Variants in ABCA4 observed in about 807,000 individuals in gnomAD.
The protein encoded by ABCA4 is ATP binding cassette subfamily A member 4, also known as retinal-specific phospholipid-transporting ATPase ABCA4.
Under a neutral mutation model 263.7 loss-of-function variants are expected in ABCA4, and 196 were observed. The ratio of observed to expected loss-of-function variants is 0.74; its 90% CI spans 0.66 to 0.84. The LOEUF is 0.84. Ranked by LOEUF, ABCA4 falls within the 40% of genes least tolerant of loss-of-function variation. ABCA4 has a pLI of 0.00. For missense variants in ABCA4, 2,792 were observed against 2,855.1 expected, an observed-to-expected ratio of 0.98 and a Z score of 0.50; for synonymous variants, 1,133 against 1,094.2, an observed-to-expected ratio of 1.04 and a Z score of -0.70.
chr1:94,045,117 G>A (rs2297633), intron 19 of ABCA4, among the ~76,000 whole-genome samples: 2 of 152,130 alleles, frequency 1.3e-5, no homozygotes, highest in African/African-American at 2.4e-5. Context: ...GACTCGAGGC[G>A]TTGCCTCCTG....
At chr1:94,005,360 C>T in intron 44 of ABCA4, 81 bp downstream of exon 44, 1 of 1,560,028 alleles carries the variant, frequency 6.4e-7, no homozygotes, top group Non-Finnish European at 8.8e-7. Flanking sequence ...TTCAGTTTCT[C>T]ATCTCCAAGA....
At chr1:93,993,976 C>T (rs756474279) in intron 49 of ABCA4, among the ~76,000 whole-genome samples, 19 of 152,130 alleles carry the variant, frequency 1.2e-4, no homozygotes, top group Non-Finnish European at 2.8e-4. Context: ...ATCACACATC[C>T]TCTTAAGAGG....
chr1:93,994,156 T>C (rs1482715889), intron 49 of ABCA4, among the ~76,000 whole-genome samples: 1 of 152,210 alleles, frequency 6.6e-6, no homozygotes, highest in African/African-American at 2.4e-5. Flanking sequence ...GAGTTGTTCC[T>C]AATTTGGGAA....
chr1:94,092,516 T>C (rs1661996623), intron 6 of ABCA4, among the ~76,000 whole-genome samples: 1 of 152,160 alleles, frequency 6.6e-6, no homozygotes, highest in Non-Finnish European at 1.5e-5. Context: ...AGGAAATGCG[T>C]CATCAGTGGA....
In ABCA4 at chr1:94,107,753, C is replaced by T. The variant is rs141885916; in HGVS notation, c.442+824G>A. On this transcript the variant is annotated intron_variant, in intron 4 of 49. Transcript: ENST00000370225. ...TTGCCCCACTTCACCATGGCCGCAT[C>T]TGGGGGCCAGTCATCACCCACCCTA... is the stretch of plus-strand genomic sequence containing the variant. Among the ~76,000 whole-genome samples, 955 of 152,314 alleles carry T rather than the reference C, an allele frequency of 6.3e-3. 5 individuals carry two copies. Among genetic ancestry groups the T allele is most frequent in the Non-Finnish European group, 0.012 (798 of 68,028 alleles).
At chr1:94,120,918 ACACTT>A in intron 1 of ABCA4, 57 bp downstream of exon 1, 1 of 215,480 alleles carries the variant, frequency 4.6e-6, no homozygotes, top group Non-Finnish European at 7.9e-6. Flanking sequence ...ACCCCACCCC[ACACTT>A]CCAACCTGTT....
At chr1:94,098,341 T>C (rs1437686885) in intron 6 of ABCA4, among the ~76,000 whole-genome samples, 1 of 152,212 alleles carries the variant, frequency 6.6e-6, no homozygotes, top group African/African-American at 2.4e-5. Flanking sequence ...TTATTAAAAT[T>C]TATGAAATGT....
intron 4 of ABCA4, among the ~76,000 whole-genome samples, chr1:94,104,484 C>A (rs1224433195): frequency 3.3e-5 from 5 of 152,226 alleles, no homozygotes; most frequent in African/African-American, 1.2e-4. Context: ...GACAGCCACC[C>A]TTCTCATCCC....
intron 1 of ABCA4, among the ~76,000 whole-genome samples, chr1:94,114,789 G>C (rs1282603200): frequency 6.6e-6 from 1 of 152,108 alleles, no homozygotes; most frequent in Non-Finnish European, 1.5e-5. Flanking sequence ...GCCTGGCCCT[G>C]GACTTCCGCT....
chr1:94,006,160 A>C (rs1047418059), intron 43 of ABCA4, among the ~76,000 whole-genome samples: 1 of 152,182 alleles, frequency 6.6e-6, no homozygotes, highest in Non-Finnish European at 1.5e-5. Context: ...CTATACATAG[A>C]CATTTAGTCT....
At chr1:94,051,587 A>C in intron 17 of ABCA4, 46 bp downstream of exon 17, 1 of 1,516,844 alleles carries the variant, frequency 6.6e-7, no homozygotes, top group Non-Finnish European at 9.2e-7. Flanking sequence ...CACAGAGCCC[A>C]AGGAGTTGAT....
Position 94,005,476 on chromosome 1 carries a change from G to T in ABCA4, c.6112C>A (p.Arg2038=). 1.2e-6 allele frequency: 2 copies of T among 1,614,078 alleles called. No homozygotes were observed. Among genetic ancestry groups the T allele is most frequent in the Non-Finnish European group, 1.7e-6 (2 of 1,180,022 alleles). ...TGREHLYLYA[R]LRGVPAEEIE... Reference sequence around the variant, plus strand: ...TCTTCTGCTGGTACACCTCGAAGCCGGGCATAAAGGTAAAGATGTTCTCGT... The same window carrying T: ...TCTTCTGCTGGTACACCTCGAAGCCTGGCATAAAGGTAAAGATGTTCTCGT... Residue 2038 remains arginine, a synonymous_variant, in exon 44 of 50, where the codon CGG becomes AGG. Coordinates refer to ENST00000370225, the MANE Select transcript of ABCA4 (RefSeq NM_000350.3).
rs1279729551 is a variant in ABCA4 at position 94,078,703 on chromosome 1, T to C, written c.1243A>G (p.Asn415Asp). Residue 415 changes from asparagine (N) to aspartate (D), a missense_variant, in exon 10 of 50, where the codon AAC becomes GAC. Physicochemically the swap from Asn to Asp is conservative, Grantham distance 23. Coordinates refer to ENST00000370225, the MANE Select transcript of ABCA4 (RefSeq NM_000350.3). ...TGTTCCAGTTCTTCAAAAGTTGAGTTGGCCTAAAACCAGACAGAGATCAAG... is the reference window on the plus strand; with the variant it reads ...TGTTCCAGTTCTTCAAAAGTTGAGTCGGCCTAAAACCAGACAGAGATCAAG... ...PAARRILKNA[N>D]STFEELEHVR... The C allele has an allele frequency of 2.5e-6, 4 of 1,611,262 alleles. No homozygotes were observed. The highest frequency in any genetic ancestry group is 3.4e-6 in the Non-Finnish European group (4 of 1,177,428).
In ABCA4 at chr1:94,048,938, T is replaced by A. The variant is rs766079334; in HGVS notation, c.2673A>T (p.Glu891Asp). 25 of 1,614,014 alleles carry A rather than the reference T, an allele frequency of 1.5e-5. No individual in the cohort carries two copies. In the African/African-American group the frequency reaches 3.2e-4, roughly 21 times the overall value. ...LGGEGCSTRE[E>D]RALEKTEPLT... ...GGGGCTCGGTCTTTTCCAGGGCTCTTTCTTCTCTGGTTGAACACCCTGCAC... is the reference window on the plus strand; with the variant it reads ...GGGGCTCGGTCTTTTCCAGGGCTCTATCTTCTCTGGTTGAACACCCTGCAC... The change falls in exon 18 of 50, where the codon GAA (glutamate) becomes GAT (aspartate). Residue 891 changes from glutamate to aspartate, a missense_variant. Transcript: ENST00000370225.
intron 28 of ABCA4, 94 bp from the exon 29 acceptor site, chr1:94,030,620 T>A: frequency 7.9e-7 from 1 of 1,257,984 alleles, no homozygotes; most frequent in Non-Finnish European, 1.2e-6. Context: ...GTGTGCCAGG[T>A]ATGTATTGGA....
intron 3 of ABCA4, among the ~76,000 whole-genome samples, chr1:94,110,908 G>T (rs966579003): frequency 6.6e-6 from 1 of 152,158 alleles, no homozygotes; most frequent in Non-Finnish European, 1.5e-5. Context: ...ACTCCAGGGG[G>T]CCGATGGCAA....
At position 94,068,131 on chromosome 1, in the gene ABCA4, C is replaced by T. The variant is rs758870788; in HGVS notation, c.1555-4814G>A. ...TCCATAACACCTCATTTGGTTAGAA[C>T]AATGCTATGGACAGATGCCAAAGCC... On this transcript the variant is annotated intron_variant, in intron 11 of 49. Coordinates refer to ENST00000370225, the MANE Select transcript of ABCA4 (RefSeq NM_000350.3). Among the ~76,000 whole-genome samples the T allele has an allele frequency of 3.8e-4, 58 of 152,220 alleles. 1 individual carries two copies. The highest frequency in any genetic ancestry group is 2.0e-4 in the Admixed American group (3 of 15,292).
At chr1:94,038,329 T>C (rs1660398888) in intron 24 of ABCA4, among the ~76,000 whole-genome samples, 1 of 152,198 alleles carries the variant, frequency 6.6e-6, no homozygotes, top group Non-Finnish European at 1.5e-5. Flanking sequence ...TTGCATGCAC[T>C]TGAAGAGAGA....
In ABCA4 at chr1:94,001,084, C is replaced by G; in HGVS notation, c.6304G>C (p.Asp2102His). 1 of 1,614,054 alleles carries G rather than the reference C, an allele frequency of 6.2e-7. No individual in the cohort carries two copies. Among genetic ancestry groups the G allele is most frequent in the Non-Finnish European group, 8.5e-7 (1 of 1,180,030 alleles). The change falls in exon 46 of 50, where the codon GAC becomes CAC. Residue 2102 changes from aspartate to histidine, a missense_variant. Transcript: ENST00000370225. Reference sequence around the variant, plus strand: ...CACAGCATGCGGCGTGCCTGGGGGTCCATCCCTGTGGTGGGCTCATCCTGG... The same window carrying G: ...CACAGCATGCGGCGTGCCTGGGGGTGCATCCCTGTGGTGGGCTCATCCTGG... ...VLLDEPTTGM[D>H]PQARRMLWNV...
Sources: allele counts gnomAD v4.1 joint callset (sites outside exome capture counted in the v4.1 genomes callset), GRCh38; gene constraint gnomAD v4.1.1; transcripts MANE v1.5; gene names NCBI Gene and HGNC (gene_info 2026-07-23, HGNC 2026-07-21).